OBI1: variants seen among roughly 807,000 people sequenced by gnomAD.
OBI1 encodes the protein ORC ubiquitin ligase 1.
OBI1 carries 59 observed loss-of-function variants against 62.4 expected under a neutral mutation model. That is an observed-to-expected ratio of 0.95 (90% CI 0.77 to 1.17). The LOEUF (loss-of-function observed/expected upper bound fraction) is 1.17, where lower values mean the gene tolerates loss of function less well. Ranked by LOEUF, OBI1 falls within the 50% of genes most tolerant of loss-of-function variation. The pLI, the probability that OBI1 is intolerant of heterozygous loss-of-function variation, is 0.00. For missense variants in OBI1, 875 were observed against 830.9 expected, an observed-to-expected ratio of 1.05 and a Z score of -0.65; for synonymous variants, 302 against 292.8, an observed-to-expected ratio of 1.03 and a Z score of -0.32.
At chr13:78,617,345 T>C (rs190892872) in intron 5 of OBI1, 146 of 418,260 alleles carry the variant, frequency 3.5e-4, no homozygotes, top group Admixed American at 1.5e-3. Context: ...TAGGATATTT[T>C]TGTGGTTAAA....
At chr13:78,644,837 A>T (rs376857340) in intron 2 of OBI1, 25 bp downstream of exon 2, 44 of 1,606,178 alleles carry the variant, frequency 2.7e-5, no homozygotes, top group Non-Finnish European at 3.7e-5. Context: ...ACCTATTCCT[A>T]TGCATATATA....
rs1406054181 is a variant in OBI1 at position 78,616,351 on chromosome 13, A to G, written c.1410T>C (p.Cys470=). Residue 470 remains cysteine, a synonymous_variant, in exon 6 of 6, where the codon TGT becomes TGC. Transcript: ENST00000282003. ...SSPKTGFWDC[C]STSYAQNLDF... ...CTAAGTTTTGGGCATAGCTTGTGGA[A>G]CAACAGTCCCAAAATCCTGTCTTTG... 9.9e-6 allele frequency: 16 copies of G among 1,614,046 alleles called. No homozygotes were observed. The highest frequency in any genetic ancestry group is 1.3e-5 in the Non-Finnish European group (15 of 1,179,902).
At chr13:78,626,984 T>A (rs1440997987) in intron 5 of OBI1, among the ~76,000 whole-genome samples, 2 of 152,096 alleles carry the variant, frequency 1.3e-5, no homozygotes, top group Non-Finnish European at 2.9e-5. Flanking sequence ...GAGAATAGCA[T>A]GAACCCAGGG....
chr13:78,642,783 A>C (rs1193171353), intron 2 of OBI1, among the ~76,000 whole-genome samples: 1 of 152,126 alleles, frequency 6.6e-6, no homozygotes, highest in East Asian at 1.9e-4. Flanking sequence ...GCTACTCAGG[A>C]GGCTAAGGCA....
chr13:78,635,246 G>T (rs1358686304), intron 4 of OBI1, 48 bp from the exon 5 acceptor site: 2 of 1,189,954 alleles, frequency 1.7e-6, no homozygotes, highest in Non-Finnish European at 1.2e-6. Flanking sequence ...CAATAAAAGT[G>T]ACTTGTAAAA....
chr13:78,617,455 C>T lies in OBI1; in HGVS notation c.639-333G>A, dbSNP rs186839620. On this transcript the variant is annotated intron_variant, in intron 5 of 5. Coordinates refer to ENST00000282003, the MANE Select transcript of OBI1 (RefSeq NM_024546.4). ...TCATATATGCATGAAGAGTTATCCCCTAAAACAATGGCAAAGATTTATGAT... is the reference window on the plus strand; with the variant it reads ...TCATATATGCATGAAGAGTTATCCCTTAAAACAATGGCAAAGATTTATGAT... 193 of 203,372 alleles carry T rather than the reference C, an allele frequency of 9.5e-4. 1 individual carries two copies. The highest frequency in any genetic ancestry group is 5.0e-5 in the Non-Finnish European group (5 of 100,790). The allele number at this position is 203,372 out of a possible 1,614,324, so 12.6% of individuals were successfully genotyped here. A position where few individuals can be genotyped will look rare whatever the true frequency, so the allele number is the denominator to read the frequency against.
At chr13:78,656,736 G>C (rs866908430) in intron 1 of OBI1, among the ~76,000 whole-genome samples, 2 of 125,328 alleles carry the variant, frequency 1.6e-5, no homozygotes, top group Non-Finnish European at 3.4e-5. Flanking sequence ...ACCTGGGGGG[G>C]GGGGGGGAGG....
At position 78,632,653 on chromosome 13, in the gene OBI1, T is replaced by TC. The variant is rs1335352740; in HGVS notation, c.638+2456_638+2457insG. Among the ~76,000 whole-genome samples, 32 of 152,340 alleles carry TC rather than the reference T, an allele frequency of 2.1e-4. No individual in the cohort carries two copies. The East Asian group carries it at 6.2e-3, about 29-fold the overall frequency. ...TTATTTGTGAACTCTTGAAATGTCT[T>TC]ATTCTTTTCCATACAAATAGGAGCT... On this transcript the variant is annotated intron_variant, in intron 5 of 5. Coordinates refer to ENST00000282003, the MANE Select transcript of OBI1 (RefSeq NM_024546.4).
intron 5 of OBI1, among the ~76,000 whole-genome samples, chr13:78,633,432 C>T (rs1473751247): frequency 2.6e-5 from 4 of 152,156 alleles, no homozygotes; most frequent in Non-Finnish European, 5.9e-5. Context: ...TCCTCCTTTT[C>T]AAATGACAAG....
At chr13:78,654,349 A>C (rs775340890) in intron 1 of OBI1, among the ~76,000 whole-genome samples, 1 of 152,190 alleles carries the variant, frequency 6.6e-6, no homozygotes, top group Non-Finnish European at 1.5e-5. Flanking sequence ...AAAGAGAAAA[A>C]TGTAGAACTT....
At chr13:78,656,496 T>C (rs902464014) in intron 1 of OBI1, among the ~76,000 whole-genome samples, 4 of 151,500 alleles carry the variant, frequency 2.6e-5, no homozygotes. Flanking sequence ...GCAGGAGAAT[T>C]GCTTGAACCC....
chr13:78,635,555 G>A (rs1361841311), intron 4 of OBI1, among the ~76,000 whole-genome samples: 1 of 152,048 alleles, frequency 6.6e-6, no homozygotes, highest in African/African-American at 2.4e-5. Context: ...TATACCACAT[G>A]CAATATCGGC....
chr13:78,658,943 C>T, intron 1 of OBI1, 106 bp downstream of exon 1: 2 of 943,526 alleles, frequency 2.1e-6, no homozygotes, highest in Non-Finnish European at 1.7e-6. Flanking sequence ...TTTCTCCCAT[C>T]TCCGCGCCTC....
At chr13:78,654,834 T>C (rs1227300875) in intron 1 of OBI1, among the ~76,000 whole-genome samples, 6 of 152,140 alleles carry the variant, frequency 3.9e-5, no homozygotes, top group African/African-American at 1.4e-4. Context: ...TTGAGTCCCT[T>C]CCAAATGAAA....
chr13:78,642,280 T>G (rs1056031847), intron 2 of OBI1, 67 bp from the exon 3 acceptor site: 1 of 1,020,816 alleles, frequency 9.8e-7, no homozygotes, highest in African/African-American at 1.6e-5. Context: ...ATGATCCTTT[T>G]TCATATTGTT....
chr13:78,631,216 T>C (rs1413164320), intron 5 of OBI1, among the ~76,000 whole-genome samples: 1 of 152,104 alleles, frequency 6.6e-6, no homozygotes, highest in Non-Finnish European at 1.5e-5. Flanking sequence ...GGAGCCAGAA[T>C]CCTATAAAAT....
At chr13:78,618,077 C>G (rs568749505) in intron 5 of OBI1, among the ~76,000 whole-genome samples, 3 of 152,170 alleles carry the variant, frequency 2.0e-5, no homozygotes, top group Admixed American at 2.0e-4. Context: ...CTCCAAGGGA[C>G]ATAAAATATC....
chr13:78,618,638 A>G (rs1445719296), intron 5 of OBI1, among the ~76,000 whole-genome samples: 1 of 152,116 alleles, frequency 6.6e-6, no homozygotes, highest in African/African-American at 2.4e-5. Context: ...TGATTGCTGA[A>G]TATTGATTTA....
Position 78,620,698 on chromosome 13 carries a change from TG to T in OBI1, c.639-3577del, listed in dbSNP as rs543990184. The T allele has an allele frequency of 1.9e-4, 86 of 455,700 alleles. 1 individual carries two copies. In the Middle Eastern group the frequency reaches 2.0e-3, roughly 10 times the overall value. 28.2% of individuals were successfully genotyped at this position (455,700 alleles called of 1,614,324 possible). A position where few individuals can be genotyped will look rare whatever the true frequency, so the allele number is the denominator to read the frequency against. Reference sequence around the variant, plus strand: ...ATTTCTGTCCCTAGTAAAAGAGAAATGGAAGTCCTATTGGTATGACCTTTGA... The same window carrying T: ...ATTTCTGTCCCTAGTAAAAGAGAAATGAAGTCCTATTGGTATGACCTTTGA... On this transcript the variant is annotated intron_variant, in intron 5 of 5. Transcript: ENST00000282003.
Sources: allele counts gnomAD v4.1 joint callset (sites outside exome capture counted in the v4.1 genomes callset), GRCh38; gene constraint gnomAD v4.1.1; transcripts MANE v1.5; gene names NCBI Gene and HGNC (gene_info 2026-07-23, HGNC 2026-07-21).